ZFAND5: variants seen among roughly 807,000 people sequenced by gnomAD.
ZFAND5 encodes zinc finger AN1-type containing 5.
A neutral mutation model predicts 23.6 loss-of-function variants in ZFAND5; 4 were observed. The observed-to-expected ratio is 0.17, with a 90% CI of 0.08 to 0.39. The LOEUF is 0.39. Among genes scored for constraint, ZFAND5 ranks in the 10% least tolerant of loss-of-function variants. ZFAND5 has a pLI of 1.00. For synonymous variants in ZFAND5, 68 were observed against 80.6 expected (o/e 0.84, Z 0.84); for missense variants, 161 against 253.7 (o/e 0.63, Z 2.48).
At position 72,364,752 on chromosome 9, in the gene ZFAND5, C is replaced by T; in HGVS notation, c.-203G>A. On this transcript the variant is annotated 5_prime_UTR_variant, in exon 1 of 7. Coordinates refer to ENST00000376962, the MANE Select transcript of ZFAND5 (RefSeq NM_001102420.3). Reference sequence around the variant, plus strand: ...CGCGCGCGAAGCCGGCACGATGAGGCCGGGCCGAGGCCTCCGGGAAGGCTG... The same window carrying T: ...CGCGCGCGAAGCCGGCACGATGAGGTCGGGCCGAGGCCTCCGGGAAGGCTG... 1.9e-6 allele frequency: 1 copy of T among 536,030 alleles called. No homozygotes were observed. Among genetic ancestry groups the T allele is most frequent in the Non-Finnish European group, 2.5e-6 (1 of 397,914 alleles). The allele number at this position is 536,030 out of a possible 1,614,324, so 33.2% of individuals were successfully genotyped here. A position where few individuals can be genotyped will look rare whatever the true frequency, so the allele number is the denominator to read the frequency against.
chr9:72,359,718 T>C (rs1241509684), intron 4 of ZFAND5, among the ~76,000 whole-genome samples, 197 bp from the exon 5 acceptor site: 3 of 152,176 alleles, frequency 2.0e-5, no homozygotes, highest in African/African-American at 7.2e-5. Flanking sequence ...GCTCATGAAC[T>C]CGAGGCTGCA....
intron 1 of ZFAND5, 74 bp from the exon 2 acceptor site, chr9:72,363,680 C>T: frequency 1.0e-6 from 1 of 976,648 alleles, no homozygotes; most frequent in Non-Finnish European, 1.2e-6. Context: ...AACATTTTAA[C>T]AAAAAACTTC....
intron 6 of ZFAND5, among the ~76,000 whole-genome samples, chr9:72,356,529 T>C (rs1435107522): frequency 1.3e-5 from 2 of 152,178 alleles, no homozygotes; most frequent in African/African-American, 4.8e-5. Context: ...AACACAGTCC[T>C]ACCATATCTT....
rs565011690 is a variant in ZFAND5 at position 72,363,461 on chromosome 9, C to T, written c.-10+9G>A. ...ATGATGTGATGAGATGGCATGAATTCCCACTCACCTGGGAATGGAGACCTG... is the reference window on the plus strand; with the variant it reads ...ATGATGTGATGAGATGGCATGAATTTCCACTCACCTGGGAATGGAGACCTG... On this transcript the variant is annotated intron_variant, in intron 2 of 6. Coordinates refer to ENST00000376962, the MANE Select transcript of ZFAND5 (RefSeq NM_001102420.3). 81 of 178,540 alleles carry T rather than the reference C, an allele frequency of 4.5e-4. No individual in the cohort carries two copies. The highest frequency in any genetic ancestry group is 1.9e-3 in the African/African-American group (80 of 42,130). 11.1% of individuals were successfully genotyped at this position (178,540 alleles called of 1,614,324 possible). A position where few individuals can be genotyped will look rare whatever the true frequency, so the allele number is the denominator to read the frequency against.
chr9:72,356,241 G>T, intron 6 of ZFAND5, 140 bp from the exon 7 acceptor site: 2 of 1,055,276 alleles, frequency 1.9e-6, no homozygotes, highest in Non-Finnish European at 2.7e-6. Flanking sequence ...TCCACTTCCT[G>T]GTGATAAGAC....
intron 5 of ZFAND5, among the ~76,000 whole-genome samples, chr9:72,359,164 TAC>T (rs1481859837): frequency 1.3e-5 from 2 of 152,288 alleles, no homozygotes; most frequent in African/African-American, 2.4e-5. Context: ...ATCTCCAGAT[TAC>T]AGACTTTGCC....
chr9:72,357,109 A>C, intron 5 of ZFAND5, 53 bp from the exon 6 acceptor site: 1 of 1,582,800 alleles, frequency 6.3e-7, no homozygotes, highest in South Asian at 1.2e-5. Context: ...TAACATTTTT[A>C]AGTCAAAAAA....
At position 72,353,660 on chromosome 9, in the gene ZFAND5, A is replaced by AATCT. The variant is rs1554695917; in HGVS notation, c.*2289_*2292dup. The AATCT allele has an allele frequency of 6.6e-6, 1 of 152,058 alleles. No homozygotes were observed. Among genetic ancestry groups the AATCT allele is most frequent in the Non-Finnish European group, 1.5e-5 (1 of 68,096 alleles). 9.4% of individuals were successfully genotyped at this position (152,058 alleles called of 1,614,324 possible). On this transcript the variant is annotated 3_prime_UTR_variant, in exon 7 of 7. Coordinates refer to ENST00000376962, the MANE Select transcript of ZFAND5 (RefSeq NM_001102420.3). ...TTGCACTGCAGCCTGGCCAAACAAA[A>AATCT]ATCTATCTCTTGCTACTACTCAGAC...
intron 6 of ZFAND5, 145 bp from the exon 7 acceptor site, chr9:72,356,246 T>C (rs1382187813): frequency 1.2e-5 from 12 of 1,004,730 alleles, no homozygotes; most frequent in South Asian, 1.9e-5. Flanking sequence ...TTCCTGGTGA[T>C]AAGACACAGT....
chr9:72,356,402 C>G (rs1050757092), intron 6 of ZFAND5, among the ~76,000 whole-genome samples: 1 of 152,164 alleles, frequency 6.6e-6, no homozygotes, highest in Non-Finnish European at 1.5e-5. Context: ...GTGGAGAAAA[C>G]AAAATGGGCT....
chr9:72,358,433 G>A lies in ZFAND5; in HGVS notation c.367+985C>T, dbSNP rs1209165475. Among the ~76,000 whole-genome samples, 3 of 152,054 alleles carry A rather than the reference G, an allele frequency of 2.0e-5. No individual in the cohort carries two copies. In the East Asian group the frequency reaches 5.8e-4, roughly 29 times the overall value. ...AAAAGGCAAATAGCAGTGAATCACA[G>A]AATGCCTACTAAGTAATAATAAATG... On this transcript the variant is annotated intron_variant, in intron 5 of 6. Transcript: ENST00000376962.
chr9:72,363,564 C>T lies in ZFAND5; in HGVS notation c.-104G>A. On this transcript the variant is annotated 5_prime_UTR_variant, in exon 2 of 7. Transcript: ENST00000376962. ...TTTCCAGATTTCAGTTCCCTCTTTG[C>T]CAAATGGAGTAGAATTGACTTTTAA... 1.1e-6 allele frequency: 1 copy of T among 929,110 alleles called. No individual in the cohort carries two copies. The highest frequency in any genetic ancestry group is 1.3e-6 in the Non-Finnish European group (1 of 778,454). The allele number at this position is 929,110 out of a possible 1,614,324, so 57.6% of individuals were successfully genotyped here. A position where few individuals can be genotyped will look rare whatever the true frequency, so the allele number is the denominator to read the frequency against.
At chr9:72,364,485 C>T in intron 1 of ZFAND5, 2 of 1,280,786 alleles carry the variant, frequency 1.6e-6, no homozygotes, top group South Asian at 2.5e-5. Flanking sequence ...GAGCCAGGGA[C>T]GCCGGGAGCC....
rs1193369335 is a variant in ZFAND5 at position 72,353,663 on chromosome 9, C to CT, written c.*2289dup. 3 of 152,168 alleles carry CT rather than the reference C, an allele frequency of 2.0e-5. No homozygotes were observed. The highest frequency in any genetic ancestry group is 1.3e-4 in the Admixed American group (2 of 15,272). 9.4% of individuals were successfully genotyped at this position (152,168 alleles called of 1,614,324 possible). A position where few individuals can be genotyped will look rare whatever the true frequency, so the allele number is the denominator to read the frequency against. ...CACTGCAGCCTGGCCAAACAAAAATCTATCTCTTGCTACTACTCAGACCTT... is the reference window on the plus strand; with the variant it reads ...CACTGCAGCCTGGCCAAACAAAAATCTTATCTCTTGCTACTACTCAGACCTT... On this transcript the variant is annotated 3_prime_UTR_variant, in exon 7 of 7. Coordinates refer to ENST00000376962, the MANE Select transcript of ZFAND5 (RefSeq NM_001102420.3).
Position 72,354,947 on chromosome 9 carries a change from G to T in ZFAND5, c.*1006C>A, listed in dbSNP as rs1420958581. On this transcript the variant is annotated 3_prime_UTR_variant, in exon 7 of 7. Coordinates refer to ENST00000376962, the MANE Select transcript of ZFAND5 (RefSeq NM_001102420.3). ...ATGATAAAGCAGCCCTCTGCAAGTGGTGCTGGATACCACTAAGAAGTCTAC... is the reference window on the plus strand; with the variant it reads ...ATGATAAAGCAGCCCTCTGCAAGTGTTGCTGGATACCACTAAGAAGTCTAC... 1.3e-5 allele frequency: 2 copies of T among 152,616 alleles called. No homozygotes were observed. The highest frequency in any genetic ancestry group is 2.9e-5 in the Non-Finnish European group (2 of 68,038). 9.5% of individuals were successfully genotyped at this position (152,616 alleles called of 1,614,324 possible).
At chr9:72,364,324 C>T in intron 1 of ZFAND5, 2 of 1,006,616 alleles carry the variant, frequency 2.0e-6, no homozygotes, top group Non-Finnish European at 2.5e-6. Context: ...GGGGGGGCTG[C>T]AACGGGCAGG....
chr9:72,357,949 A>T (rs1049050853), intron 5 of ZFAND5, among the ~76,000 whole-genome samples: 1 of 152,186 alleles, frequency 6.6e-6, no homozygotes, highest in African/African-American at 2.4e-5. Flanking sequence ...AACAAAATTT[A>T]TATCTACTTA....
chr9:72,357,288 T>C (rs529628006), intron 5 of ZFAND5, among the ~76,000 whole-genome samples: 12 of 152,302 alleles, frequency 7.9e-5, no homozygotes, highest in African/African-American at 2.6e-4. Flanking sequence ...TGTAAAATGA[T>C]CGCTTCACTC....
At chr9:72,361,032 C>G (rs71505976) in intron 2 of ZFAND5, among the ~76,000 whole-genome samples, 10,315 of 152,050 alleles carry the variant, frequency 0.068, 421 homozygotes, top group Middle Eastern at 0.12. Context: ...TTACCTATCA[C>G]TATTCTTGGT....
Sources: gnomAD v4.1 joint callset for allele counts (sites outside exome capture counted in the v4.1 genomes callset) on GRCh38, gnomAD v4.1.1 for gene constraint, MANE v1.5 for transcripts, NCBI Gene and HGNC (gene_info 2026-07-23, HGNC 2026-07-21) for gene names.